SPAG6: variants seen among roughly 807,000 people sequenced by gnomAD.
SPAG6 encodes the protein sperm-associated antigen 6.
Under a neutral mutation model 58.5 loss-of-function variants are expected in SPAG6, and 49 were observed. The ratio of observed to expected loss-of-function variants is 0.84; its 90% CI spans 0.67 to 1.06. The LOEUF is 1.06. Ranked by LOEUF, SPAG6 falls within the 50% of genes least tolerant of loss-of-function variation. The pLI is 0.00. For synonymous variants in SPAG6, 233 were observed against 225.6 expected, an observed-to-expected ratio of 1.03 and a Z score of -0.29; for missense variants, 560 against 611.3, an observed-to-expected ratio of 0.92 and a Z score of 0.89.
At chr10:22,377,347 C>T (rs1165136251) in intron 4 of SPAG6, among the ~76,000 whole-genome samples, 1 of 152,212 alleles carries the variant, frequency 6.6e-6, no homozygotes, top group African/African-American at 2.4e-5. Flanking sequence ...AGCTAAGCTG[C>T]TCCTGAGTTC....
At chr10:22,376,574 C>T (rs112882175) in intron 4 of SPAG6, among the ~76,000 whole-genome samples, 134 of 152,158 alleles carry the variant, frequency 8.8e-4, no homozygotes, top group South Asian at 1.7e-3. Flanking sequence ...TTTATACATA[C>T]GTGTATACAA....
chr10:22,365,089 C>T (rs1215234437), intron 3 of SPAG6, 70 bp downstream of exon 3: 4 of 1,161,754 alleles, frequency 3.4e-6, no homozygotes, highest in Admixed American at 2.5e-5. Flanking sequence ...AGTTTGGATA[C>T]AGTTGCAAGC....
At chr10:22,366,365 T>C (rs1044646211) in intron 3 of SPAG6, among the ~76,000 whole-genome samples, 3 of 152,110 alleles carry the variant, frequency 2.0e-5, no homozygotes, top group Non-Finnish European at 2.9e-5. Flanking sequence ...TGTAAATCCA[T>C]AGAGACAGAA....
At chr10:22,382,619 A>T (rs1277855399) in intron 4 of SPAG6, among the ~76,000 whole-genome samples, 1 of 152,176 alleles carries the variant, frequency 6.6e-6, no homozygotes, top group Non-Finnish European at 1.5e-5. Flanking sequence ...TAGAGGCAGG[A>T]TGAAGTAGCC....
At position 22,345,513 on chromosome 10, in the gene SPAG6, C is replaced by T. The variant is rs1020099374; in HGVS notation, c.-99C>T. 3 of 1,030,340 alleles carry T rather than the reference C, an allele frequency of 2.9e-6. No homozygotes were observed. The highest frequency in any genetic ancestry group is 4.2e-6 in the Non-Finnish European group (3 of 722,654). The allele number at this position is 1,030,340 out of a possible 1,614,324, so 63.8% of individuals were successfully genotyped here. A position where few individuals can be genotyped will look rare whatever the true frequency, so the allele number is the denominator to read the frequency against. ...GGGTACACAGAGAAGCGGCTCCCGT[C>T]GGAGGCCGAGTCGTCGCCACGATCG... On this transcript the variant is annotated 5_prime_UTR_variant, in exon 1 of 11. Coordinates refer to ENST00000376624, the MANE Select transcript of SPAG6 (RefSeq NM_012443.4). This position sits in a 1 kb window ranked among gnomAD's most constrained non-coding sequence, Gnocchi z 6.3.
Position 22,368,596 on chromosome 10 carries a change from G to A in SPAG6, c.390G>A (p.Leu130=). The A allele has an allele frequency of 1.2e-6, 2 of 1,613,908 alleles. No individual in the cohort carries two copies. Among genetic ancestry groups the A allele is most frequent in the Non-Finnish European group, 1.7e-6 (2 of 1,179,922 alleles). Residue 130 remains leucine, a synonymous_variant, in exon 4 of 11, where the codon CTG becomes CTA. Transcript: ENST00000376624. Reference sequence around the variant, plus strand: ...TCGATTGTGGAGCACTGGATACGCTGGTCATATGCTTGGAAGATTTTGACC... The same window carrying A: ...TCGATTGTGGAGCACTGGATACGCTAGTCATATGCTTGGAAGATTTTGACC... The part of the protein sequence containing the change: ...AIVDCGALDT[L]VICLEDFDPG...
At chr10:22,376,170 C>A (rs1833811247) in intron 4 of SPAG6, among the ~76,000 whole-genome samples, 1 of 152,038 alleles carries the variant, frequency 6.6e-6, no homozygotes, top group African/African-American at 2.4e-5. Context: ...GTGACTCTAC[C>A]TTTTCAACTG....
intron 4 of SPAG6, among the ~76,000 whole-genome samples, chr10:22,382,537 C>T (rs1833980005): frequency 6.6e-6 from 1 of 151,908 alleles, no homozygotes; most frequent in Non-Finnish European, 1.5e-5. Context: ...AATATTATTT[C>T]TAGTATATAT....
rs142586429 is a variant in SPAG6 at position 22,415,604 on chromosome 10, G to A, written c.1461-1015G>A. On this transcript the variant is annotated intron_variant, in intron 10 of 10. Transcript: ENST00000376624. ...CTGTAAGCACACTACTCACTACTAA[G>A]AAAATATGGCTGTATTTTTTGGTCC... Among the ~76,000 whole-genome samples the A allele has an allele frequency of 4.5e-3, 691 of 152,244 alleles. 10 individuals are homozygous for A. The highest frequency in any genetic ancestry group is 0.016 in the African/African-American group (647 of 41,548).
chr10:22,395,760 T>C (rs1834278234), intron 8 of SPAG6, among the ~76,000 whole-genome samples: 1 of 152,248 alleles, frequency 6.6e-6, no homozygotes, highest in South Asian at 2.1e-4. Flanking sequence ...TTTTGTGTTG[T>C]ATCTAAGAAG....
rs1474372929 is a variant in SPAG6, at chr10:22,345,650, G to A, written c.25+14G>A. On this transcript the variant is annotated intron_variant, in intron 1 of 10. Coordinates refer to ENST00000376624, the MANE Select transcript of SPAG6 (RefSeq NM_012443.4). The surrounding 1 kb of genome is among the most constrained non-coding windows in gnomAD (Gnocchi z 6.3). Reference sequence around the variant, plus strand: ...AGGTGCTGCAAGGTAGGGCCGAGGCGGGCAGGTGCCCTAACTAGCTGGCGC... The same window carrying A: ...AGGTGCTGCAAGGTAGGGCCGAGGCAGGCAGGTGCCCTAACTAGCTGGCGC... 1.3e-6 allele frequency: 2 copies of A among 1,553,506 alleles called. No homozygotes were observed. The highest frequency in any genetic ancestry group is 1.7e-4 in the Middle Eastern group (1 of 5,842).
chr10:22,383,341 G>C (rs1834000093), intron 4 of SPAG6, among the ~76,000 whole-genome samples: 1 of 152,028 alleles, frequency 6.6e-6, no homozygotes, highest in Admixed American at 6.6e-5. Flanking sequence ...TTTTTTTCGA[G>C]TAGAAAATAC....
chr10:22,407,031 C>G (rs1013810209), intron 9 of SPAG6, among the ~76,000 whole-genome samples: 3 of 152,060 alleles, frequency 2.0e-5, no homozygotes, highest in Admixed American at 2.0e-4. Flanking sequence ...CTATGTGTGT[C>G]TCTGCACGTG....
At chr10:22,411,995 C>T (rs563490805) in intron 10 of SPAG6, among the ~76,000 whole-genome samples, 1 of 151,944 alleles carries the variant, frequency 6.6e-6, no homozygotes, top group Non-Finnish European at 1.5e-5. Flanking sequence ...ACTACAGACG[C>T]CCGCCATCAC....
intron 7 of SPAG6, among the ~76,000 whole-genome samples, chr10:22,391,479 T>C (rs12247258): frequency 0.16 from 23,892 of 152,130 alleles, 5,571 homozygotes; most frequent in African/African-American, 0.51. Flanking sequence ...AATACCTCTC[T>C]ATTTGGGGGG....
intron 10 of SPAG6, among the ~76,000 whole-genome samples, chr10:22,412,074 A>C (rs748887857): frequency 2.6e-5 from 4 of 151,976 alleles, no homozygotes; most frequent in Admixed American, 6.5e-5. Context: ...TGGTCTCGAT[A>C]TCCTGACGTC....
In SPAG6 at chr10:22,408,608, C is replaced by G. The variant is rs536146034; in HGVS notation, c.1315-2423C>G. 2.9e-4 allele frequency among the ~76,000 whole-genome samples: 44 copies of G among 151,928 alleles called. No individual in the cohort carries two copies. The South Asian group carries it at 8.8e-3, about 30-fold the overall frequency. ...CTTTTTGTTTGTCTGTGCCCTGCCC[C>G]CAGAGGTGGAGCCTACAGAGGCAGG... On this transcript the variant is annotated intron_variant, in intron 9 of 10. Coordinates refer to ENST00000376624, the MANE Select transcript of SPAG6 (RefSeq NM_012443.4).
chr10:22,383,669 A>AT (rs1419002101), intron 4 of SPAG6, among the ~76,000 whole-genome samples: 1 of 151,988 alleles, frequency 6.6e-6, no homozygotes, highest in Non-Finnish European at 1.5e-5. Context: ...ATACAGAAAG[A>AT]AAGAAGAAAA....
chr10:22,345,542 C>T lies in SPAG6; in HGVS notation c.-70C>T. 1.5e-6 allele frequency: 2 copies of T among 1,368,110 alleles called. No homozygotes were observed. Among genetic ancestry groups the T allele is most frequent in the Non-Finnish European group, 2.0e-6 (2 of 1,007,022 alleles). The allele number at this position is 1,368,110 out of a possible 1,614,324, so 84.7% of individuals were successfully genotyped here. On this transcript the variant is annotated 5_prime_UTR_variant, in exon 1 of 11. Coordinates refer to ENST00000376624, the MANE Select transcript of SPAG6 (RefSeq NM_012443.4). This position sits in a 1 kb window ranked among gnomAD's most constrained non-coding sequence, Gnocchi z 6.3. ...GGCCGAGTCGTCGCCACGATCGCCC[C>T]CTTGGTGGACTCGCAGGCCGAGCGG... is the stretch of plus-strand genomic sequence containing the variant.
Sources: allele counts gnomAD v4.1 joint callset (sites outside exome capture counted in the v4.1 genomes callset), GRCh38; gene constraint gnomAD v4.1.1; non-coding constraint Gnocchi (gnomAD v3.1); transcripts MANE v1.5; gene names NCBI Gene and HGNC (gene_info 2026-07-23, HGNC 2026-07-21).